Variants in PDE3A observed in about 807,000 individuals in gnomAD.
PDE3A encodes cGMP-inhibited 3',5'-cyclic phosphodiesterase 3A.
A neutral mutation model predicts 98.3 loss-of-function variants in PDE3A; 43 were observed. That is an observed-to-expected ratio of 0.44 (90% CI 0.34 to 0.56). PDE3A has a LOEUF of 0.56. Among genes scored for constraint, PDE3A ranks in the 20% least tolerant of loss-of-function variants. The pLI is 0.01. For synonymous variants in PDE3A, 663 were observed against 567.9 expected (o/e 1.17, Z -2.38); for missense variants, 1,427 against 1,440.7 (o/e 0.99, Z 0.15).
intron 15 of PDE3A, among the ~76,000 whole-genome samples, chr12:20,668,066 C>T (rs1230425411): frequency 1.3e-5 from 2 of 152,176 alleles, no homozygotes; most frequent in African/African-American, 4.8e-5. Context: ...GTTCCCTTTC[C>T]CAGTCAAAGA....
At chr12:20,616,803 C>G (rs1024373272) in intron 4 of PDE3A, among the ~76,000 whole-genome samples, 5 of 152,034 alleles carry the variant, frequency 3.3e-5, no homozygotes, top group African/African-American at 4.8e-5. Flanking sequence ...TAGCGTTGTA[C>G]AAAAGACAAA....
intron 1 of PDE3A, chr12:20,551,600 G>T: frequency 1.5e-5 from 23 of 1,556,650 alleles, no homozygotes; most frequent in Non-Finnish European, 1.9e-5. Context: ...TGCGGGGGCC[G>T]GCAGGACCCC....
intron 2 of PDE3A, among the ~76,000 whole-genome samples, chr12:20,568,552 T>C (rs1187534864): frequency 1.3e-5 from 2 of 151,980 alleles, no homozygotes; most frequent in African/African-American, 4.8e-5. Flanking sequence ...AGGCTGTCAT[T>C]TGTTATACTA....
intron 5 of PDE3A, among the ~76,000 whole-genome samples, chr12:20,623,276 C>T (rs915429820): frequency 1.4e-4 from 20 of 138,634 alleles, no homozygotes; most frequent in Non-Finnish European, 2.9e-4. Context: ...GTTTTAGTAG[C>T]AGATAGAAGA....
At chr12:20,575,911 C>T (rs1398708882) in intron 2 of PDE3A, among the ~76,000 whole-genome samples, 1 of 151,742 alleles carries the variant, frequency 6.6e-6, no homozygotes, top group Non-Finnish European at 1.5e-5. Flanking sequence ...TGCAAAACAA[C>T]TAAGAAATTT....
intron 1 of PDE3A, among the ~76,000 whole-genome samples, chr12:20,522,016 T>C (rs904695983): frequency 1.3e-5 from 2 of 152,110 alleles, no homozygotes; most frequent in Non-Finnish European, 2.9e-5. Context: ...CATTCCTCTG[T>C]ATGGCCCATG....
In PDE3A at chr12:20,613,590, T is replaced by C; in HGVS notation, c.1159T>C (p.Phe387Leu). 2 of 1,614,078 alleles carry C rather than the reference T, an allele frequency of 1.2e-6. No individual in the cohort carries two copies. The highest frequency in any genetic ancestry group is 1.7e-6 in the Non-Finnish European group (2 of 1,179,926). ...VSNLLSTQLT[F>L]QAIHKPRVNP... ...CAACTTGCTCAGCACACAGCTCACC[T>C]TCCAGGCCATTCACAAGCCCAGAGT... Residue 387 changes from phenylalanine (F) to leucine (L), a missense_variant, in exon 3 of 16, where the codon TTC becomes CTC. By Grantham distance (22) the Phe-to-Leu change is conservative (BLOSUM62 0). Transcript: ENST00000359062.
At chr12:20,671,511 G>T (rs1945481593) in intron 15 of PDE3A, among the ~76,000 whole-genome samples, 1 of 151,490 alleles carries the variant, frequency 6.6e-6, no homozygotes, top group African/African-American at 2.4e-5. Context: ...ATGATCAAGT[G>T]GGCTTCATCC....
chr12:20,494,121 G>A (rs1036527118), intron 1 of PDE3A, among the ~76,000 whole-genome samples: 1 of 152,180 alleles, frequency 6.6e-6, no homozygotes, highest in African/African-American at 2.4e-5. Context: ...TGTGTATTTT[G>A]AGTCATCTAG....
intron 1 of PDE3A, among the ~76,000 whole-genome samples, chr12:20,442,396 T>C (rs1823715218): frequency 6.6e-6 from 1 of 152,146 alleles, no homozygotes; most frequent in African/African-American, 2.4e-5. Flanking sequence ...TAGTTACCTC[T>C]GAAGGAAGCT....
At chr12:20,571,569 G>A (rs1289499004) in intron 2 of PDE3A, among the ~76,000 whole-genome samples, 2 of 151,942 alleles carry the variant, frequency 1.3e-5, no homozygotes, top group Non-Finnish European at 2.9e-5. Context: ...ACAAAACAAG[G>A]CCTGTTTTTT....
At chr12:20,558,029 A>G (rs1942414212) in intron 2 of PDE3A, among the ~76,000 whole-genome samples, 2 of 152,130 alleles carry the variant, frequency 1.3e-5, no homozygotes, top group Admixed American at 1.3e-4. Flanking sequence ...CCACCAAAAC[A>G]TTTTGATATT....
Position 20,552,099 on chromosome 12 carries a change from G to A in PDE3A, c.961-4561G>A. The stretch of plus-strand genomic sequence containing the variant: ...GTGGTCGAGAGCTTTCCGGCAACAA[G>A]AGGACCGCGGAACAGTCTTGTGATC... On this transcript the variant is annotated intron_variant, in intron 1 of 15. Transcript: ENST00000359062. The surrounding 1 kb of genome is among the most constrained non-coding windows in gnomAD (Gnocchi z 5.1). The A allele has an allele frequency of 1.2e-6, 2 of 1,613,020 alleles. No homozygotes were observed. Among genetic ancestry groups the A allele is most frequent in the Non-Finnish European group, 1.7e-6 (2 of 1,179,902 alleles).
At chr12:20,463,099 A>G (rs1026749625) in intron 1 of PDE3A, among the ~76,000 whole-genome samples, 1 of 152,176 alleles carries the variant, frequency 6.6e-6, no homozygotes, top group African/African-American at 2.4e-5. Flanking sequence ...TATGCCCATG[A>G]TAAATTATCT....
At chr12:20,373,833 A>G (rs73250152) in intron 1 of PDE3A, among the ~76,000 whole-genome samples, 3,415 of 152,224 alleles carry the variant, frequency 0.022, 105 homozygotes, top group East Asian at 0.11. Flanking sequence ...AAAGCAAACA[A>G]CAGCAAAGCA....
At chr12:20,412,923 T>G (rs1944359632) in intron 1 of PDE3A, among the ~76,000 whole-genome samples, 1 of 152,174 alleles carries the variant, frequency 6.6e-6, no homozygotes, top group Non-Finnish European at 1.5e-5. Flanking sequence ...GGAGTGCATG[T>G]TTTAAAGTCT....
intron 15 of PDE3A, among the ~76,000 whole-genome samples, chr12:20,677,337 T>C (rs1475152592): frequency 2.0e-5 from 3 of 152,222 alleles, no homozygotes; most frequent in Non-Finnish European, 4.4e-5. Flanking sequence ...TTCATTGGAA[T>C]CTGTTGCTGG....
Position 20,487,501 on chromosome 12 carries a change from TAAAAAAAAAA to T in PDE3A, c.961-69140_961-69131del, listed in dbSNP as rs34671800. Among the ~76,000 whole-genome samples the T allele has an allele frequency of 1.2e-3, 75 of 62,004 alleles. 1 individual carries two copies. The highest frequency in any genetic ancestry group is 4.7e-3 in the African/African-American group (73 of 15,526). The allele number at this position is 62,004 out of a possible 152,430, so 40.7% of individuals were successfully genotyped here. A position where few individuals can be genotyped will look rare whatever the true frequency, so the allele number is the denominator to read the frequency against. On this transcript the variant is annotated intron_variant, in intron 1 of 15. Transcript: ENST00000359062. ...CAACATGGTGAAACCCTGTCTCTAC[TAAAAAAAAAA>T]AAAAAAAAAAAAAAAAAATTAATTC...
In PDE3A at chr12:20,411,772, C is replaced by G. The variant is rs117371947; in HGVS notation, c.960+41528C>G. Among the ~76,000 whole-genome samples, 267 of 152,280 alleles carry G rather than the reference C, an allele frequency of 1.8e-3. 1 individual carries two copies. Among genetic ancestry groups the G allele is most frequent in the Non-Finnish European group, 3.3e-3 (224 of 68,016 alleles). On this transcript the variant is annotated intron_variant, in intron 1 of 15. Transcript: ENST00000359062. ...GAGGTCCGAGATAACCCCATTCTTGCTAAAAACATTACACATTTTCATCTA... is the reference window on the plus strand; with the variant it reads ...GAGGTCCGAGATAACCCCATTCTTGGTAAAAACATTACACATTTTCATCTA...
Sources: gnomAD v4.1 joint callset for allele counts (sites outside exome capture counted in the v4.1 genomes callset) on GRCh38, gnomAD v4.1.1 for gene constraint, Gnocchi (gnomAD v3.1) non-coding constraint, MANE v1.5 for transcripts, NCBI Gene and HGNC (gene_info 2026-07-23, HGNC 2026-07-21) for gene names.